CSMD1: variants seen among roughly 807,000 people sequenced by gnomAD.
CSMD1 encodes CUB and Sushi multiple domains 1.
CSMD1 carries 213 observed loss-of-function variants against 417.5 expected under a neutral mutation model. The ratio of observed to expected loss-of-function variants is 0.51; its 90% CI spans 0.46 to 0.57. The LOEUF (loss-of-function observed/expected upper bound fraction) is 0.57. CSMD1 is among the 20% of genes least tolerant of loss of function. CSMD1 has a pLI of 0.00. For synonymous variants in CSMD1, 2,862 were observed against 1,736.8 expected, an observed-to-expected ratio of 1.65 and a Z score of -16.11; for missense variants, 6,923 against 4,529.7, an observed-to-expected ratio of 1.53 and a Z score of -15.17.
intron 41 of CSMD1, among the ~76,000 whole-genome samples, chr8:3,120,705 G>GT (rs113124839): frequency 7.9e-5 from 9 of 114,394 alleles, no homozygotes; most frequent in African/African-American, 3.0e-4. Flanking sequence ...AAATTAGCCA[G>GT]GGGGGGTGAC....
In CSMD1 at chr8:4,965,445, C is replaced by T. The variant is rs188562455; in HGVS notation, c.85+28887G>A. ...TCAATTTTATAGATAGATGAGTTGT[C>T]TCAGTGATAATGCAGGACATGTGGA... On this transcript the variant is annotated intron_variant, in intron 1 of 69. Transcript: ENST00000635120. Among the ~76,000 whole-genome samples, 20 of 152,302 alleles carry T rather than the reference C, an allele frequency of 1.3e-4. No individual in the cohort carries two copies. The East Asian group carries it at 3.7e-3, about 28-fold the overall frequency.
chr8:4,274,969 C>T (rs1563372398), intron 3 of CSMD1, among the ~76,000 whole-genome samples: 2 of 152,158 alleles, frequency 1.3e-5, no homozygotes, highest in Non-Finnish European at 2.9e-5. Flanking sequence ...ATGCTTGTAG[C>T]TGAGCAGAGT....
chr8:4,205,290 C>A (rs1328962639), intron 3 of CSMD1, among the ~76,000 whole-genome samples: 1 of 152,176 alleles, frequency 6.6e-6, no homozygotes, highest in Non-Finnish European at 1.5e-5. Flanking sequence ...ACAATAGTTC[C>A]TTGAAAAAGA....
intron 33 of CSMD1, among the ~76,000 whole-genome samples, chr8:3,198,294 C>T (rs1051264942): frequency 1.6e-4 from 25 of 152,214 alleles, no homozygotes; most frequent in Admixed American, 4.6e-4. Context: ...TTAGTGTTTC[C>T]AGGAGAAAAA....
At chr8:3,408,248 T>G (rs772339114) in intron 13 of CSMD1, 23 bp from the exon 14 acceptor site, 1 of 1,548,150 alleles carries the variant, frequency 6.5e-7, no homozygotes, top group Non-Finnish European at 8.8e-7. Context: ...AAATATATTT[T>G]CAAACAGTTA....
intron 3 of CSMD1, among the ~76,000 whole-genome samples, chr8:4,396,616 T>TACACACACAC (rs143703195): frequency 6.7e-6 from 1 of 148,576 alleles, no homozygotes; most frequent in East Asian, 2.0e-4. Flanking sequence ...GAAAATGTGA[T>TACACACACAC]ACACACACAC....
chr8:3,442,880 C>T, intron 12 of CSMD1, among the ~76,000 whole-genome samples: 1 of 152,126 alleles, frequency 6.6e-6, no homozygotes. Flanking sequence ...AATATTATAA[C>T]TTCACACATT....
At chr8:4,341,725 A>C (rs545255567) in intron 3 of CSMD1, among the ~76,000 whole-genome samples, 7 of 152,262 alleles carry the variant, frequency 4.6e-5, no homozygotes, top group Admixed American at 2.6e-4. Flanking sequence ...TGTTTTTTCA[A>C]CAAATTAGAA....
At chr8:4,307,470 C>T (rs1253669111) in intron 3 of CSMD1, among the ~76,000 whole-genome samples, 1 of 152,108 alleles carries the variant, frequency 6.6e-6, no homozygotes, top group South Asian at 2.1e-4. Context: ...TTACATCCCC[C>T]AAGGATATTA....
intron 2 of CSMD1, among the ~76,000 whole-genome samples, chr8:4,486,638 C>G (rs1431551127): frequency 6.6e-6 from 1 of 152,096 alleles, no homozygotes; most frequent in East Asian, 1.9e-4. Flanking sequence ...GACCTAAACA[C>G]TGTGACATAC....
rs1023979796 is a variant in CSMD1 at position 4,416,704 on chromosome 8, G to A, written c.415+3249C>T. Among the ~76,000 whole-genome samples the A allele has an allele frequency of 5.9e-5, 9 of 151,940 alleles. No individual in the cohort carries two copies. In the East Asian group the frequency reaches 1.2e-3, roughly 20 times the overall value. ...TAGATGACCGTGTATCACCCAGTCC[G>A]TATATTTTCTTCAATGTCCTCAAGT... On this transcript the variant is annotated intron_variant, in intron 3 of 69. Coordinates refer to ENST00000635120, the MANE Select transcript of CSMD1 (RefSeq NM_033225.6).
At chr8:3,336,943 T>A (rs1807303127) in intron 23 of CSMD1, among the ~76,000 whole-genome samples, 1 of 152,106 alleles carries the variant, frequency 6.6e-6, no homozygotes, top group African/African-American at 2.4e-5. Context: ...CTAAAAAAAG[T>A]CAGTTAGTTC....
intron 2 of CSMD1, among the ~76,000 whole-genome samples, chr8:4,573,113 C>T (rs1452963505): frequency 6.6e-6 from 1 of 152,178 alleles, no homozygotes; most frequent in African/African-American, 2.4e-5. Flanking sequence ...CTGAAGCCTA[C>T]TTCTGTCAAT....
intron 5 of CSMD1, among the ~76,000 whole-genome samples, chr8:3,795,023 A>ATATAGCTATAGATACATACCTATCATG (rs1799966071): frequency 1.0e-5 from 1 of 96,702 alleles, no homozygotes. Flanking sequence ...TATCTATCAT[A>ATATAGCTATAGATACATACCTATCATG]TATAGCTATA....
At chr8:4,079,760 T>C (rs1459638617) in intron 3 of CSMD1, among the ~76,000 whole-genome samples, 1 of 152,138 alleles carries the variant, frequency 6.6e-6, no homozygotes, top group Non-Finnish European at 1.5e-5. Flanking sequence ...AAATAGTTTA[T>C]GCAATTAATA....
At chr8:4,403,863 C>T (rs1019239450) in intron 3 of CSMD1, among the ~76,000 whole-genome samples, 5 of 152,142 alleles carry the variant, frequency 3.3e-5, no homozygotes, top group East Asian at 3.9e-4. Flanking sequence ...TTACATTTAA[C>T]TTGCCTAAAA....
chr8:3,356,288 G>T (rs1808785806), intron 21 of CSMD1, among the ~76,000 whole-genome samples: 1 of 152,188 alleles, frequency 6.6e-6, no homozygotes, highest in Non-Finnish European at 1.5e-5. Context: ...AACCTTGTGA[G>T]GAAAGCAATT....
chr8:4,314,473 C>A (rs6983351), intron 3 of CSMD1, among the ~76,000 whole-genome samples: 17,180 of 151,984 alleles, frequency 0.11, 3,008 homozygotes, highest in African/African-American at 0.38. Context: ...CAATTGCATC[C>A]GTTCCTTGAA....
At chr8:4,956,883 G>A (rs974445882) in intron 1 of CSMD1, among the ~76,000 whole-genome samples, 1 of 152,080 alleles carries the variant, frequency 6.6e-6, no homozygotes, top group Non-Finnish European at 1.5e-5. Flanking sequence ...CACACCAAGC[G>A]GCAATCCCCA....
Sources: gnomAD v4.1 joint callset for allele counts (sites outside exome capture counted in the v4.1 genomes callset) on GRCh38, gnomAD v4.1.1 for gene constraint, MANE v1.5 for transcripts, NCBI Gene and HGNC (gene_info 2026-07-23, HGNC 2026-07-21) for gene names.